The following SPATA6 variants were observed in gnomAD, a reference collection of about 807,000 sequenced individuals.
SPATA6 encodes the protein spermatogenesis associated 6.
In SPATA6, 56 loss-of-function variants were observed where a neutral mutation model predicts 65.3. The observed-to-expected ratio is 0.86, with a 90% confidence interval of 0.69 to 1.07. The LOEUF is 1.07. Among genes scored for constraint, SPATA6 ranks in the 50% least tolerant of loss-of-function variants. SPATA6 has a pLI of 0.00. For synonymous variants in SPATA6, 199 were observed against 213.2 expected (o/e 0.93, Z 0.58); for missense variants, 590 against 594.8 (o/e 0.99, Z 0.08).
At chr1:48,462,088 G>T (rs953726527) in intron 1 of SPATA6, among the ~76,000 whole-genome samples, 1 of 151,766 alleles carries the variant, frequency 6.6e-6, no homozygotes, top group Non-Finnish European at 1.5e-5. Context: ...GTAAACTATC[G>T]CAAGGACAAA....
intron 6 of SPATA6, among the ~76,000 whole-genome samples, chr1:48,401,524 A>G (rs1245864457): frequency 1.3e-5 from 2 of 152,126 alleles, no homozygotes; most frequent in African/African-American, 4.8e-5. Flanking sequence ...GACAACAGGA[A>G]AATAGCACAT....
At chr1:48,373,210 C>G (rs903033679) in intron 9 of SPATA6, among the ~76,000 whole-genome samples, 1 of 152,162 alleles carries the variant, frequency 6.6e-6, no homozygotes, top group African/African-American at 2.4e-5. Context: ...TTAATAGCAC[C>G]CAAGTCACCT....
chr1:48,413,266 G>A, intron 3 of SPATA6, 115 bp from the exon 4 acceptor site: 1 of 319,660 alleles, frequency 3.1e-6, no homozygotes. Context: ...CTACATATAT[G>A]TTTATATATT....
the SPATA6 span, among the ~76,000 whole-genome samples, chr1:48,277,220 C>A: frequency 6.6e-6 from 1 of 151,824 alleles, no homozygotes; most frequent in Non-Finnish European, 1.5e-5. Context: ...AAATAGGAAC[C>A]GCTCCGGTCT....
chr1:48,306,690 C>CA (rs1645070121), intron 11 of SPATA6, among the ~76,000 whole-genome samples: 1 of 151,862 alleles, frequency 6.6e-6, no homozygotes, highest in African/African-American at 2.4e-5. Flanking sequence ...GGGGTTCATT[C>CA]ACTTTATGTA....
In SPATA6 at chr1:48,455,615, T is replaced by A. The variant is rs181889021; in HGVS notation, c.52-2484A>T. On this transcript the variant is annotated intron_variant, in intron 1 of 12. Coordinates refer to ENST00000371847, the MANE Select transcript of SPATA6 (RefSeq NM_019073.4). ...CAGGACGGTCTCAATCTCCTGACCT[T>A]GTGATCTGCCCATGTCGGCCTCCCA... Among the ~76,000 whole-genome samples, 4 of 152,116 alleles carry A rather than the reference T, an allele frequency of 2.6e-5. No homozygotes were observed. The South Asian group carries it at 8.3e-4, about 32-fold the overall frequency.
chr1:48,395,239 C>G lies in SPATA6; in HGVS notation c.868+28G>C, dbSNP rs903678274. 3.6e-5 allele frequency: 54 copies of G among 1,496,708 alleles called. 1 individual carries two copies. The highest frequency in any genetic ancestry group is 4.8e-5 in the Non-Finnish European group (54 of 1,118,200). The allele number at this position is 1,496,708 out of a possible 1,614,324, so 92.7% of individuals were successfully genotyped here. A position where few individuals can be genotyped will look rare whatever the true frequency, so the allele number is the denominator to read the frequency against. The stretch of plus-strand genomic sequence containing the variant: ...TTGATTGTAGCTCAGGCAACTACAG[C>G]AATGAATAAAGACAACTTCTAGCTT... On this transcript the variant is annotated intron_variant, in intron 8 of 12. Transcript: ENST00000371847.
intron 5 of SPATA6, among the ~76,000 whole-genome samples, chr1:48,406,722 C>G (rs1464213625): frequency 2.0e-5 from 3 of 152,178 alleles, no homozygotes; most frequent in Non-Finnish European, 4.4e-5. Flanking sequence ...CATCATATCA[C>G]TAACATTTAT....
At chr1:48,463,088 T>C (rs1361343193) in intron 1 of SPATA6, among the ~76,000 whole-genome samples, 3 of 152,170 alleles carry the variant, frequency 2.0e-5, no homozygotes, top group Non-Finnish European at 4.4e-5. Context: ...TTCTCAGGCC[T>C]TTGTACTCAG....
At chr1:48,393,141 T>C (rs1650240465) in intron 8 of SPATA6, 1 of 152,086 alleles carries the variant, frequency 6.6e-6, no homozygotes, top group Non-Finnish European at 1.5e-5. Flanking sequence ...AAAGTATTTC[T>C]CTGCACAATT....
At chr1:48,332,377 A>G (rs79064926) in intron 11 of SPATA6, among the ~76,000 whole-genome samples, 3,550 of 152,334 alleles carry the variant, frequency 0.023, 38 homozygotes, top group South Asian at 0.059. Flanking sequence ...CTTAAAATAA[A>G]GGGATGATGA....
chr1:48,437,157 A>G (rs1440255251), intron 3 of SPATA6: 41 of 1,605,830 alleles, frequency 2.6e-5, no homozygotes, highest in Admixed American at 1.3e-4. Context: ...CATTGCCTCC[A>G]GTGTTACCTT....
intron 11 of SPATA6, among the ~76,000 whole-genome samples, chr1:48,334,550 T>C (rs1646006954): frequency 6.6e-6 from 1 of 152,128 alleles, no homozygotes; most frequent in African/African-American, 2.4e-5. Flanking sequence ...ATTATATCAA[T>C]GAATACAGAA....
chr1:48,277,804 C>T, the SPATA6 span, among the ~76,000 whole-genome samples: 1 of 152,162 alleles, frequency 6.6e-6, no homozygotes, highest in Admixed American at 6.5e-5. Context: ...AAATGTCCCT[C>T]TCTGACAGCT....
intron 5 of SPATA6, among the ~76,000 whole-genome samples, chr1:48,410,577 G>C (rs1570482574): frequency 1.3e-5 from 2 of 152,130 alleles, no homozygotes; most frequent in East Asian, 1.9e-4. Context: ...TCTGAGACTG[G>C]GTAATTTATC....
intron 1 of SPATA6, among the ~76,000 whole-genome samples, chr1:48,470,856 A>G (rs937162511): frequency 1.3e-5 from 2 of 152,022 alleles, no homozygotes; most frequent in East Asian, 3.9e-4. Flanking sequence ...AAGTTTTCCT[A>G]GGAGATCAAA....
the SPATA6 span, among the ~76,000 whole-genome samples, chr1:48,266,452 TC>T: frequency 1.3e-5 from 2 of 152,080 alleles, no homozygotes; most frequent in Non-Finnish European, 1.5e-5. Flanking sequence ...TAAATTATAA[TC>T]CCTGTTCTAC....
the SPATA6 span, among the ~76,000 whole-genome samples, chr1:48,281,715 C>T: frequency 2.0e-5 from 3 of 151,956 alleles, no homozygotes; most frequent in Non-Finnish European, 2.9e-5. Flanking sequence ...ACATTCCATG[C>T]TCATGGGTAG....
the SPATA6 span, among the ~76,000 whole-genome samples, chr1:48,277,216 G>A: frequency 1.3e-5 from 2 of 151,892 alleles, no homozygotes; most frequent in South Asian, 4.2e-4. Context: ...GGCCAAATAG[G>A]AACCGCTCCG....
Sources: allele counts gnomAD v4.1 joint callset (sites outside exome capture counted in the v4.1 genomes callset), GRCh38; gene constraint gnomAD v4.1.1; transcripts MANE v1.5; gene names NCBI Gene and HGNC (gene_info 2026-07-23, HGNC 2026-07-21).